The following NRCAM variants were observed in gnomAD, a reference collection of about 807,000 sequenced individuals.
NRCAM encodes NgCAM-related cell adhesion molecule.
In NRCAM, 83 loss-of-function variants were observed where a neutral mutation model predicts 156.5. The ratio of observed to expected loss-of-function variants is 0.53; its 90% CI spans 0.44 to 0.64. NRCAM has a LOEUF of 0.64. Ranked by LOEUF, NRCAM falls within the 30% of genes least tolerant of loss-of-function variation. The probability of loss-of-function intolerance (pLI) is 0.00; values close to 1 mark genes in which losing one functional copy is unlikely to be tolerated. For missense variants in NRCAM, 1,417 were observed against 1,597.3 expected, an observed-to-expected ratio of 0.89 and a Z score of 1.92; for synonymous variants, 538 against 563.9, an observed-to-expected ratio of 0.95 and a Z score of 0.65.
intron 11 of NRCAM, among the ~76,000 whole-genome samples, chr7:108,214,600 C>T (rs1482135837): frequency 6.6e-6 from 1 of 152,052 alleles, no homozygotes; most frequent in Non-Finnish European, 1.5e-5. Context: ...GTCTCTATCG[C>T]CTTTAGTTCT....
At chr7:108,384,728 CT>C (rs1442245365) in intron 2 of NRCAM, among the ~76,000 whole-genome samples, 1 of 152,192 alleles carries the variant, frequency 6.6e-6, no homozygotes. Context: ...CACAACTTTG[CT>C]TTCTAACAAG....
At chr7:108,282,966 A>T (rs1269685) in intron 3 of NRCAM, among the ~76,000 whole-genome samples, 1 of 152,148 alleles carries the variant, frequency 6.6e-6, no homozygotes, top group Non-Finnish European at 1.5e-5. Context: ...GGGCACCAGG[A>T]TTTCTAAAAC....
At chr7:108,422,582 T>C (rs1346022243) in intron 1 of NRCAM, among the ~76,000 whole-genome samples, 1 of 152,134 alleles carries the variant, frequency 6.6e-6, no homozygotes, top group Non-Finnish European at 1.5e-5. Context: ...ATACAGGTCA[T>C]CCTTTACATA....
At chr7:108,412,402 C>CTTAT (rs55771486) in intron 1 of NRCAM, among the ~76,000 whole-genome samples, 131,430 of 151,792 alleles carry the variant, frequency 0.87, 57,076 homozygotes, top group South Asian at 0.93. Flanking sequence ...CTCATAGTCA[C>CTTAT]TTTATTGTAT....
chr7:108,432,780 T>C lies in NRCAM; in HGVS notation c.-332+23463A>G, dbSNP rs550069506. Among the ~76,000 whole-genome samples the C allele has an allele frequency of 4.2e-3, 646 of 152,218 alleles. 1 individual carries two copies. The highest frequency in any genetic ancestry group is 6.8e-3 in the Non-Finnish European group (464 of 67,998). On this transcript the variant is annotated intron_variant, in intron 1 of 32. Transcript: ENST00000379028. ...AGCCAAGTGTGGTGGTACGCACCTA[T>C]AGTCCTAGCTACTAGGAAGCATGAG...
At chr7:108,306,763 G>A (rs1480027470) in intron 3 of NRCAM, among the ~76,000 whole-genome samples, 1 of 152,144 alleles carries the variant, frequency 6.6e-6, no homozygotes, top group Non-Finnish European at 1.5e-5. Context: ...GAAGCAGAGT[G>A]GAAACAGAAT....
At chr7:108,192,353 CTGA>C (rs1384403650) in intron 17 of NRCAM, among the ~76,000 whole-genome samples, 2 of 151,974 alleles carry the variant, frequency 1.3e-5, no homozygotes, top group African/African-American at 2.4e-5. Context: ...AATCTAATGC[CTGA>C]TGATCTGTCA....
intron 2 of NRCAM, among the ~76,000 whole-genome samples, chr7:108,334,418 C>T (rs1184113741): frequency 6.6e-6 from 1 of 152,180 alleles, no homozygotes; most frequent in Admixed American, 6.5e-5. Flanking sequence ...CAATCCATCC[C>T]CTACCTACGA....
Position 108,181,946 on chromosome 7 carries a change from A to T in NRCAM, c.2531-9T>A. 1 of 1,566,888 alleles carries T rather than the reference A, an allele frequency of 6.4e-7. No individual in the cohort carries two copies. The highest frequency in any genetic ancestry group is 8.8e-7 in the Non-Finnish European group (1 of 1,138,034). Reference sequence around the variant, plus strand: ...AGGAGCCACCATTGGGACTAGGAAAAGGACAGGGAAGTGGTAGAAGTATCA... The same window carrying T: ...AGGAGCCACCATTGGGACTAGGAAATGGACAGGGAAGTGGTAGAAGTATCA... On this transcript the variant is annotated splice_polypyrimidine_tract_variant and intron_variant, in intron 23 of 32. Coordinates refer to ENST00000379028, the MANE Select transcript of NRCAM (RefSeq NM_001037132.4).
At chr7:108,164,573 G>GAGGAGC (rs1198605189) in intron 30 of NRCAM, among the ~76,000 whole-genome samples, 20 of 151,808 alleles carry the variant, frequency 1.3e-4, no homozygotes, top group Admixed American at 3.3e-4. Flanking sequence ...GAGAGGAGAG[G>GAGGAGC]AGGAGCAGGA....
intron 1 of NRCAM, among the ~76,000 whole-genome samples, chr7:108,437,525 C>A (rs960507735): frequency 3.3e-5 from 5 of 152,012 alleles, no homozygotes; most frequent in African/African-American, 4.8e-5. Flanking sequence ...ATGCCTGAAT[C>A]AAAACATCTC....
chr7:108,172,631 C>A (rs1388864942), intron 28 of NRCAM, among the ~76,000 whole-genome samples: 1 of 152,086 alleles, frequency 6.6e-6, no homozygotes, highest in Non-Finnish European at 1.5e-5. Context: ...AAAAATATGC[C>A]AATCAACTAT....
chr7:108,288,496 A>C (rs569311311), intron 3 of NRCAM, among the ~76,000 whole-genome samples: 8 of 152,280 alleles, frequency 5.3e-5, no homozygotes, highest in South Asian at 4.1e-4. Flanking sequence ...ACTAATGTAC[A>C]TGCATCTTTA....
chr7:108,221,114 G>A lies in NRCAM; in HGVS notation c.890+2611C>T, dbSNP rs140353927. On this transcript the variant is annotated intron_variant, in intron 11 of 32. Coordinates refer to ENST00000379028, the MANE Select transcript of NRCAM (RefSeq NM_001037132.4). Reference sequence around the variant, plus strand: ...TGAAAAAATGCTCAACATCACTAATGATCAGGGAAATGCAAATCAAAACCG... The same window carrying A: ...TGAAAAAATGCTCAACATCACTAATAATCAGGGAAATGCAAATCAAAACCG... 6.4e-3 allele frequency among the ~76,000 whole-genome samples: 969 copies of A among 152,218 alleles called. 4 individuals are homozygous for A. The highest frequency in any genetic ancestry group is 0.011 in the Non-Finnish European group (761 of 67,988).
Position 108,189,720 on chromosome 7 carries a change from C to T in NRCAM, c.1960G>A (p.Glu654Lys), listed in dbSNP as rs1488365766. Reference protein sequence around the residue: ...YDVPNPPFDLELTDQLDKSVQ... With the variant: ...YDVPNPPFDLKLTDQLDKSVQ... ...CTTTTGTCAAGTTGATCTGTCAGTT[C>T]TAAGTCAAAGGGAGGATTTGGGACA... is the stretch of plus-strand genomic sequence containing the variant. Residue 654 changes from glutamate (E) to lysine (K), a missense_variant, in exon 20 of 33, where the codon GAA becomes AAA. By Grantham distance (56) the Glu-to-Lys change is moderately conservative. This residue lies in a region of NRCAM where 1,238 missense variants were observed against 1,336.4 expected (regional missense o/e 0.93). Transcript: ENST00000379028. The T allele has an allele frequency of 1.3e-6, 2 of 1,539,170 alleles. No individual in the cohort carries two copies. The highest frequency in any genetic ancestry group is 4.5e-5 in the East Asian group (2 of 44,232).
chr7:108,223,994 C>T (rs1201747352), intron 10 of NRCAM, among the ~76,000 whole-genome samples, 158 bp from the exon 11 acceptor site: 1 of 152,132 alleles, frequency 6.6e-6, no homozygotes, highest in Non-Finnish European at 1.5e-5. Flanking sequence ...ACACTCTCTG[C>T]GTTATAAGTA....
chr7:108,297,697 C>G (rs967265202), intron 3 of NRCAM, among the ~76,000 whole-genome samples: 2 of 151,796 alleles, frequency 1.3e-5, no homozygotes, highest in East Asian at 3.8e-4. Flanking sequence ...ACAACAACTG[C>G]AAATTATATA....
At chr7:108,295,115 T>G (rs896401787) in intron 3 of NRCAM, among the ~76,000 whole-genome samples, 1 of 152,220 alleles carries the variant, frequency 6.6e-6, no homozygotes, top group Non-Finnish European at 1.5e-5. Context: ...ATTAAATCTG[T>G]TGATTTTGTA....
Position 108,212,759 on chromosome 7 carries a change from A to T in NRCAM, c.891-3154T>A, listed in dbSNP as rs549294590. Among the ~76,000 whole-genome samples, 2 of 152,284 alleles carry T rather than the reference A, an allele frequency of 1.3e-5. 1 individual carries two copies. The highest frequency in any genetic ancestry group is 4.8e-5 in the African/African-American group (2 of 41,572). The stretch of plus-strand genomic sequence containing the variant: ...AAGAAGTCTGGGATTATGTTAAATG[A>T]CCAAACCTAAGAATACTCAGTGTTC... On this transcript the variant is annotated intron_variant, in intron 11 of 32. Coordinates refer to ENST00000379028, the MANE Select transcript of NRCAM (RefSeq NM_001037132.4).
Sources: allele counts gnomAD v4.1 joint callset (sites outside exome capture counted in the v4.1 genomes callset), GRCh38; gene constraint gnomAD v4.1.1; regional missense constraint gnomAD v4.1.1; transcripts MANE v1.5; gene names NCBI Gene and HGNC (gene_info 2026-07-23, HGNC 2026-07-21).